Variants in DLG2 observed in about 807,000 individuals in gnomAD.
DLG2 encodes the protein disks large homolog 2.
In DLG2, 45 loss-of-function variants were observed where a neutral mutation model predicts 132.5. That is an observed-to-expected ratio of 0.34 (90% CI 0.27 to 0.44). The LOEUF (loss-of-function observed/expected upper bound fraction) is 0.44. Ranked by LOEUF, DLG2 falls within the 20% of genes least tolerant of loss-of-function variation. DLG2 has a pLI of 1.00. For missense variants in DLG2, 1,045 were observed against 1,196.9 expected, an observed-to-expected ratio of 0.87 and a Z score of 1.87; for synonymous variants, 424 against 419.6, an observed-to-expected ratio of 1.01 and a Z score of -0.13.
chr11:84,284,739 T>TC (rs2097890946), intron 7 of DLG2, among the ~76,000 whole-genome samples: 1 of 152,198 alleles, frequency 6.6e-6, no homozygotes, highest in Non-Finnish European at 1.5e-5. Context: ...CTGGACTTTC[T>TC]TGACAGAAGG....
intron 21 of DLG2, among the ~76,000 whole-genome samples, chr11:83,515,513 C>A (rs1462378706): frequency 6.6e-6 from 1 of 152,102 alleles, no homozygotes; most frequent in African/African-American, 2.4e-5. Context: ...TTTTTTGTGT[C>A]TCTATTTCCT....
intron 3 of DLG2, among the ~76,000 whole-genome samples, chr11:85,302,631 T>G (rs2079659737): frequency 6.8e-6 from 1 of 147,698 alleles, no homozygotes; most frequent in Non-Finnish European, 1.5e-5. Flanking sequence ...AATTGGATAC[T>G]CTCACTTGAA....
chr11:83,973,489 G>A (rs1037142545), intron 12 of DLG2, among the ~76,000 whole-genome samples: 1 of 151,954 alleles, frequency 6.6e-6, no homozygotes, highest in African/African-American at 2.4e-5. Context: ...TAAACTCAGG[G>A]GACAGAATTT....
intron 18 of DLG2, among the ~76,000 whole-genome samples, chr11:83,749,405 GA>G (rs1006253212): frequency 1.3e-5 from 2 of 152,150 alleles, no homozygotes; most frequent in African/African-American, 4.8e-5. Context: ...TCCTGGCTTT[GA>G]AACAGTCTAG....
chr11:84,770,842 T>C (rs1307268471), intron 6 of DLG2, among the ~76,000 whole-genome samples: 2 of 151,410 alleles, frequency 1.3e-5, no homozygotes, highest in South Asian at 2.1e-4. Context: ...AAGGACAGGG[T>C]TTCACCGTGT....
intron 7 of DLG2, among the ~76,000 whole-genome samples, chr11:84,500,411 C>T (rs2099200502): frequency 6.7e-6 from 1 of 150,344 alleles, no homozygotes; most frequent in South Asian, 2.1e-4. Context: ...AATAAATCTA[C>T]TGCTGGAGAA....
chr11:83,552,131 A>G (rs954905893), intron 19 of DLG2, among the ~76,000 whole-genome samples: 1 of 152,230 alleles, frequency 6.6e-6, no homozygotes, highest in African/African-American at 2.4e-5. Context: ...AACAATAAAC[A>G]TAATAAATAG....
intron 6 of DLG2, among the ~76,000 whole-genome samples, chr11:84,814,658 G>C (rs1324799142): frequency 6.6e-6 from 1 of 152,008 alleles, no homozygotes; most frequent in African/African-American, 2.4e-5. Context: ...GTTTGTTCAT[G>C]TTTGTTCCTC....
chr11:84,273,099 A>T, intron 7 of DLG2: 3 of 1,392,304 alleles, frequency 2.2e-6, no homozygotes, highest in Non-Finnish European at 2.9e-6. Context: ...CAGGAGAAAA[A>T]GGAAGAATAA....
chr11:85,087,431 G>A (rs1276629198), intron 6 of DLG2, among the ~76,000 whole-genome samples: 1 of 152,206 alleles, frequency 6.6e-6, no homozygotes, highest in Admixed American at 6.5e-5. Flanking sequence ...ATGAGACAGT[G>A]ATGGCCAAAG....
At chr11:85,036,457 C>T (rs1220693201) in intron 6 of DLG2, among the ~76,000 whole-genome samples, 6 of 152,150 alleles carry the variant, frequency 3.9e-5, no homozygotes, top group African/African-American at 1.2e-4. Context: ...AAGTACTTAA[C>T]ATACTATGTA....
At chr11:84,214,085 A>T (rs1025736963) in intron 8 of DLG2, among the ~76,000 whole-genome samples, 2 of 150,678 alleles carry the variant, frequency 1.3e-5, no homozygotes, top group Non-Finnish European at 3.0e-5. Context: ...AAATTAAAAC[A>T]GTAATTTAAA....
intron 3 of DLG2, among the ~76,000 whole-genome samples, chr11:85,590,168 T>C (rs1466609194): frequency 6.6e-6 from 1 of 152,168 alleles, no homozygotes; most frequent in Non-Finnish European, 1.5e-5. Flanking sequence ...GTGGTGTCTC[T>C]TTGATAGTGG....
chr11:84,404,907 C>T (rs192629930), intron 7 of DLG2, among the ~76,000 whole-genome samples: 2 of 152,114 alleles, frequency 1.3e-5, no homozygotes, highest in African/African-American at 4.8e-5. Context: ...ATGTCACTTA[C>T]TTTTTATAGA....
chr11:85,000,671 A>C (rs1263975566), intron 6 of DLG2, among the ~76,000 whole-genome samples: 1 of 152,194 alleles, frequency 6.6e-6, no homozygotes, highest in East Asian at 1.9e-4. Context: ...TGTCTGCTTC[A>C]GAATTAGCTT....
At chr11:84,892,944 C>T (rs1017516919) in intron 6 of DLG2, among the ~76,000 whole-genome samples, 1 of 152,100 alleles carries the variant, frequency 6.6e-6, no homozygotes, top group Non-Finnish European at 1.5e-5. Context: ...CACAGCCCCC[C>T]AAGAACCCTC....
intron 11 of DLG2, among the ~76,000 whole-genome samples, chr11:83,982,699 A>G (rs914257880): frequency 6.6e-6 from 1 of 152,146 alleles, no homozygotes; most frequent in Non-Finnish European, 1.5e-5. Context: ...TTAAGTCTAC[A>G]GTAGTGTACA....
intron 15 of DLG2, among the ~76,000 whole-genome samples, chr11:83,884,155 G>A (rs570165525): frequency 6.6e-6 from 1 of 152,356 alleles, no homozygotes; most frequent in South Asian, 2.1e-4. Context: ...CCTCACTTGG[G>A]AAGCACAAGG....
chr11:83,739,012 ATTATT>A (rs1426024321), intron 18 of DLG2, among the ~76,000 whole-genome samples: 2 of 152,116 alleles, frequency 1.3e-5, no homozygotes, highest in East Asian at 1.9e-4. Context: ...TTCTATTTAT[ATTATT>A]TTATTATTTA....
Sources: gnomAD v4.1 joint callset for allele counts (sites outside exome capture counted in the v4.1 genomes callset) on GRCh38, gnomAD v4.1.1 for gene constraint, MANE v1.5 for transcripts, NCBI Gene and HGNC (gene_info 2026-07-23, HGNC 2026-07-21) for gene names.